The following FLI1 variants were observed in gnomAD, a reference collection of about 807,000 sequenced individuals.
The protein encoded by FLI1 is Friend leukemia integration 1 transcription factor.
A neutral mutation model predicts 53.1 loss-of-function variants in FLI1; 13 were observed. The ratio of observed to expected loss-of-function variants is 0.24; its 90% CI spans 0.16 to 0.39. The LOEUF is 0.39. Among genes scored for constraint, FLI1 ranks in the 10% least tolerant of loss-of-function variants. The probability of loss-of-function intolerance (pLI) is 1.00; values close to 1 mark genes in which losing one functional copy is unlikely to be tolerated. For synonymous variants in FLI1, 244 were observed against 236.7 expected, an observed-to-expected ratio of 1.03 and a Z score of -0.28; for missense variants, 424 against 600.5, an observed-to-expected ratio of 0.71 and a Z score of 3.07.
chr11:128,749,733 T>C (rs761392723), intron 1 of FLI1, among the ~76,000 whole-genome samples: 5 of 152,230 alleles, frequency 3.3e-5, no homozygotes, highest in Admixed American at 6.5e-5. Context: ...TAATGCTTGA[T>C]GACTGACTAA....
chr11:128,777,217 G>T (rs541150136), intron 4 of FLI1, among the ~76,000 whole-genome samples: 120 of 152,294 alleles, frequency 7.9e-4, no homozygotes, highest in South Asian at 4.6e-3. Context: ...AGGGCCGCTG[G>T]GGGGAGTTTG....
At chr11:128,806,192 A>G (rs1565510538) in intron 6 of FLI1, 1 of 148,014 alleles carries the variant, frequency 6.8e-6, no homozygotes, top group Non-Finnish European at 1.5e-5. Flanking sequence ...TATGTGTATT[A>G]ATTATTTACT....
At chr11:128,740,782 C>G (rs1591769499) in intron 1 of FLI1, among the ~76,000 whole-genome samples, 1 of 152,258 alleles carries the variant, frequency 6.6e-6, no homozygotes, top group East Asian at 1.9e-4. Context: ...GGGGTACACC[C>G]CTACAGCTCA....
rs1472313846 is a variant in FLI1, at chr11:128,784,264, T to TG, written c.655+2241_655+2242insG. The stretch of plus-strand genomic sequence containing the variant: ...CTCCTCCTCCTCCTCCTCCTCCTCC[T>TG]CCTCCTGCTGTCTTATTGTTCAGCC... On this transcript the variant is annotated intron_variant, in intron 5 of 8. Transcript: ENST00000527786. Among the ~76,000 whole-genome samples, 10 of 109,030 alleles carry TG rather than the reference T, an allele frequency of 9.2e-5. 1 individual carries two copies. The highest frequency in any genetic ancestry group is 3.4e-4 in the South Asian group (1 of 2,932). The allele number at this position is 109,030 out of a possible 152,430, so 71.5% of individuals were successfully genotyped here.
chr11:128,694,947 C>G (rs1025329809), intron 1 of FLI1, among the ~76,000 whole-genome samples: 7 of 152,144 alleles, frequency 4.6e-5, no homozygotes, highest in Non-Finnish European at 7.4e-5. Flanking sequence ...CCGGCCTCGC[C>G]GCCTCTCCGG....
At chr11:128,764,481 A>G (rs1040342896) in intron 2 of FLI1, among the ~76,000 whole-genome samples, 3 of 152,198 alleles carry the variant, frequency 2.0e-5, no homozygotes, top group Non-Finnish European at 4.4e-5. Flanking sequence ...TGGCAGCCCC[A>G]GGCTCTCTTG....
Position 128,811,152 on chromosome 11 carries a change from T to C in FLI1, c.*164T>C, listed in dbSNP as rs901839816. On this transcript the variant is annotated 3_prime_UTR_variant, in exon 9 of 9. Coordinates refer to ENST00000527786, the MANE Select transcript of FLI1 (RefSeq NM_002017.5). Reference sequence around the variant, plus strand: ...TGTTCTTTAAAAACATTTTTTTTAATGTTGGTAACTTTTGCTTCCTCTACC... The same window carrying C: ...TGTTCTTTAAAAACATTTTTTTTAACGTTGGTAACTTTTGCTTCCTCTACC... 1.5e-5 allele frequency: 10 copies of C among 675,154 alleles called. No individual in the cohort carries two copies. Among genetic ancestry groups the C allele is most frequent in the Non-Finnish European group, 2.5e-5 (10 of 405,014 alleles). 41.8% of individuals were successfully genotyped at this position (675,154 alleles called of 1,614,324 possible).
intron 4 of FLI1, among the ~76,000 whole-genome samples, chr11:128,777,195 C>T (rs1043858605): frequency 6.6e-6 from 1 of 152,186 alleles, no homozygotes; most frequent in African/African-American, 2.4e-5. Context: ...GCCGGGCTGG[C>T]AGTTCAGGCT....
intron 1 of FLI1, among the ~76,000 whole-genome samples, chr11:128,715,815 C>G (rs1393110456): frequency 1.3e-5 from 2 of 152,336 alleles, no homozygotes; most frequent in East Asian, 3.9e-4. Context: ...GCTGGGGCCT[C>G]TCCTGGTTGC....
At chr11:128,685,293 G>A (rs1865781298), upstream of FLI1, among the ~76,000 whole-genome samples, 1 of 152,228 alleles carries the variant, frequency 6.6e-6, no homozygotes, top group Non-Finnish European at 1.5e-5. Flanking sequence ...TGGGCACACA[G>A]GATAGGCACC....
Position 128,810,996 on chromosome 11 carries a change from C to T in FLI1, c.*8C>T, listed in dbSNP as rs149837029. The T allele has an allele frequency of 1.2e-6, 2 of 1,613,880 alleles. No homozygotes were observed. The highest frequency in any genetic ancestry group is 1.7e-6 in the Non-Finnish European group (2 of 1,179,768). On this transcript the variant is annotated 3_prime_UTR_variant, in exon 9 of 9. Transcript: ENST00000527786. The surrounding 1 kb of genome is among the most constrained non-coding windows in gnomAD (Gnocchi z 6.6). ...TTAGGCAGCTACTACTAGAAGCTTA[C>T]TCATCAGTGGCCTTCTAGCTGAAGC... is the stretch of plus-strand genomic sequence containing the variant.
At chr11:128,764,769 C>T (rs183408556) in intron 2 of FLI1, 114 of 1,591,028 alleles carry the variant, frequency 7.2e-5, no homozygotes, top group Non-Finnish European at 8.6e-5. Context: ...GGAGGAGGCA[C>T]GGTGCTTGGG....
intron 1 of FLI1, among the ~76,000 whole-genome samples, chr11:128,726,214 C>G (rs1170262448): frequency 2.0e-5 from 3 of 152,164 alleles, no homozygotes; most frequent in Non-Finnish European, 4.4e-5. Flanking sequence ...CTGCCCTCCC[C>G]TGAAGCTGAC....
At chr11:128,729,874 C>G (rs2135751514) in intron 1 of FLI1, among the ~76,000 whole-genome samples, 1 of 152,292 alleles carries the variant, frequency 6.6e-6, no homozygotes, top group East Asian at 1.9e-4. Flanking sequence ...TTTCAAAATG[C>G]AATTCTATAA....
chr11:128,696,169 G>C (rs1938064752), intron 1 of FLI1: 1 of 152,242 alleles, frequency 6.6e-6, no homozygotes, highest in African/African-American at 2.4e-5. Context: ...GGGAGTGAAA[G>C]TCCTTCCTTT....
intron 1 of FLI1, among the ~76,000 whole-genome samples, chr11:128,742,413 A>G (rs927861063): frequency 2.0e-5 from 3 of 152,206 alleles, no homozygotes; most frequent in Non-Finnish European, 4.4e-5. Context: ...TTATGGCCCC[A>G]TTGTGAGACA....
chr11:128,794,031 G>C (rs576642027), intron 5 of FLI1, among the ~76,000 whole-genome samples: 2 of 152,296 alleles, frequency 1.3e-5, no homozygotes, highest in Non-Finnish European at 2.9e-5. Context: ...TTTGGGTTTT[G>C]CATGTCTTCT....
intron 1 of FLI1, among the ~76,000 whole-genome samples, chr11:128,715,975 C>G (rs540431945): frequency 1.3e-5 from 2 of 152,276 alleles, no homozygotes; most frequent in African/African-American, 4.8e-5. Flanking sequence ...GCAGGAGAGG[C>G]AGGGAGAGCT....
At chr11:128,744,878 C>T (rs1364141270) in intron 1 of FLI1, among the ~76,000 whole-genome samples, 1 of 152,122 alleles carries the variant, frequency 6.6e-6, no homozygotes, top group Non-Finnish European at 1.5e-5. Flanking sequence ...ATAAAAGCAA[C>T]ATGACAAGGC....
Sources: allele counts gnomAD v4.1 joint callset (sites outside exome capture counted in the v4.1 genomes callset), GRCh38; gene constraint gnomAD v4.1.1; non-coding constraint Gnocchi (gnomAD v3.1); transcripts MANE v1.5; gene names NCBI Gene and HGNC (gene_info 2026-07-23, HGNC 2026-07-21).